TRAF5: variants seen among roughly 807,000 people sequenced by gnomAD.
The protein encoded by TRAF5 is TNF receptor associated factor 5.
A neutral mutation model predicts 64.5 loss-of-function variants in TRAF5; 48 were observed. The observed-to-expected ratio is 0.74, with a 90% CI of 0.59 to 0.95. TRAF5 has a LOEUF of 0.95. TRAF5 is among the 40% of genes least tolerant of loss of function. The pLI, the probability that TRAF5 is intolerant of heterozygous loss-of-function variation, is 0.00. For missense variants in TRAF5, 545 were observed against 662.8 expected (o/e 0.82, Z 1.95); for synonymous variants, 206 against 240.5 (o/e 0.86, Z 1.33).
chr1:211,358,746 C>G (rs2102753120), intron 4 of TRAF5: 1 of 148,136 alleles, frequency 6.8e-6, no homozygotes, highest in Non-Finnish European at 1.5e-5. Flanking sequence ...TGTGAAGAAC[C>G]CTGGAATGAA....
intron 1 of TRAF5, among the ~76,000 whole-genome samples, chr1:211,352,600 T>C (rs1402261286): frequency 6.6e-6 from 1 of 151,952 alleles, no homozygotes; most frequent in Non-Finnish European, 1.5e-5. Flanking sequence ...GCCTCCAGCC[T>C]GGGCTACAGA....
At chr1:211,366,772 G>GT (rs1489276071) in intron 8 of TRAF5, among the ~76,000 whole-genome samples, 3 of 152,338 alleles carry the variant, frequency 2.0e-5, no homozygotes, top group African/African-American at 7.2e-5. Flanking sequence ...CTAGAGACTG[G>GT]TGTGTTGGAT....
chr1:211,371,224 G>GA, intron 9 of TRAF5, 78 bp from the exon 10 acceptor site: 3 of 1,372,814 alleles, frequency 2.2e-6, no homozygotes, highest in Admixed American at 2.9e-5. Context: ...TGTTTGAATT[G>GA]AAAAAAATTT....
At chr1:211,354,504 G>T in intron 3 of TRAF5, 37 bp downstream of exon 3, 2 of 1,604,888 alleles carry the variant, frequency 1.2e-6, no homozygotes. Context: ...CAGCTCTCAG[G>T]GTGATGGAGA....
chr1:211,356,562 T>C, intron 4 of TRAF5, 94 bp downstream of exon 4: 1 of 1,119,582 alleles, frequency 8.9e-7, no homozygotes, highest in South Asian at 1.3e-5. Context: ...CTAAGCATGG[T>C]ACAGGGATTC....
intron 5 of TRAF5, 104 bp from the exon 6 acceptor site, chr1:211,360,598 A>C: frequency 4.7e-6 from 4 of 857,348 alleles, no homozygotes; most frequent in Non-Finnish European, 5.7e-6. Flanking sequence ...AACTTCCTGT[A>C]GAGAGTAAGC....
Position 211,344,696 on chromosome 1 carries a change from T to G in TRAF5, c.-1-8543T>G, listed in dbSNP as rs1572063725. Among the ~76,000 whole-genome samples the G allele has an allele frequency of 2.6e-5, 4 of 152,324 alleles. No homozygotes were observed. The South Asian group carries it at 8.3e-4, about 32-fold the overall frequency. On this transcript the variant is annotated intron_variant, in intron 1 of 10. Transcript: ENST00000261464. ...AAAAACTGTGAGACCATTTCAGTTC[T>G]CCTTTGTGCCAGGAGGATAGCCTAA... is the stretch of plus-strand genomic sequence containing the variant.
At chr1:211,348,044 G>A (rs1702666350) in intron 1 of TRAF5, among the ~76,000 whole-genome samples, 1 of 152,150 alleles carries the variant, frequency 6.6e-6, no homozygotes, top group South Asian at 2.1e-4. Flanking sequence ...CAGGGGATCT[G>A]CATGGTCAAA....
rs1702861145 is a variant in TRAF5, at chr1:211,353,469, GGGCCTGCAACTCT to G, written c.218+17_218+29del. On this transcript the variant is annotated intron_variant, in intron 2 of 10. Transcript: ENST00000261464. ...ATCCTGTCCCTGAGGTGAGTGGGCA[GGGCCTGCAACTCT>G]GGCCATGGCAGTCCTAGCATCCAGG... is the stretch of plus-strand genomic sequence containing the variant. 6.2e-7 allele frequency: 1 copy of G among 1,608,032 alleles called. No individual in the cohort carries two copies. The highest frequency in any genetic ancestry group is 1.3e-5 in the African/African-American group (1 of 74,806).
Position 211,359,893 on chromosome 1 carries a change from CTGT to C in TRAF5, c.379-14_379-12del. 4 of 1,613,650 alleles carry C rather than the reference CTGT, an allele frequency of 2.5e-6. No homozygotes were observed. Among genetic ancestry groups the C allele is most frequent in the African/African-American group, 1.3e-5 (1 of 75,042 alleles). On this transcript the variant is annotated splice_polypyrimidine_tract_variant and intron_variant, in intron 4 of 10. Coordinates refer to ENST00000261464, the MANE Select transcript of TRAF5 (RefSeq NM_001033910.3). ...ACCCTGGTCAGCAGGTCCCACTGGC[CTGT>C]TGTTATCTGTTGCAGGATCACCTTC...
At chr1:211,363,570 A>G (rs1372923525) in intron 7 of TRAF5, among the ~76,000 whole-genome samples, 1 of 152,200 alleles carries the variant, frequency 6.6e-6, no homozygotes, top group Admixed American at 6.5e-5. Context: ...TTATTTTAAA[A>G]ACCATTTGAA....
chr1:211,364,970 C>T (rs1022147352), intron 7 of TRAF5, among the ~76,000 whole-genome samples: 9 of 151,888 alleles, frequency 5.9e-5, no homozygotes, highest in East Asian at 1.9e-4. Context: ...GTCAGGAGTT[C>T]GAGACCAGCC....
chr1:211,353,717 C>G (rs1572074956), intron 2 of TRAF5: 4 of 488,906 alleles, frequency 8.2e-6, no homozygotes, highest in East Asian at 3.8e-5. Flanking sequence ...TAGACACACA[C>G]TCCATCATGG....
At chr1:211,349,397 G>C (rs1197990930) in intron 1 of TRAF5, among the ~76,000 whole-genome samples, 1 of 152,208 alleles carries the variant, frequency 6.6e-6, no homozygotes, top group Non-Finnish European at 1.5e-5. Context: ...CAAGATGGCA[G>C]CTTATTGCTG....
At chr1:211,326,748 C>G (rs372936255), upstream of TRAF5, 59 of 985,472 alleles carry the variant, frequency 6.0e-5, no homozygotes, top group African/African-American at 8.6e-4. The surrounding 1 kb of genome is among the most constrained non-coding windows in gnomAD (Gnocchi z 5.0). Context: ...CCGCTCTTCC[C>G]CTGCGCCCGC....
At chr1:211,359,365 C>T (rs1172576220) in intron 4 of TRAF5, 1 of 152,306 alleles carries the variant, frequency 6.6e-6, no homozygotes, top group African/African-American at 2.4e-5. Context: ...TTTTCTTTAT[C>T]ATTTCTGGAA....
At chr1:211,344,428 A>G (rs1435820969) in intron 1 of TRAF5, among the ~76,000 whole-genome samples, 4 of 152,254 alleles carry the variant, frequency 2.6e-5, no homozygotes, top group African/African-American at 9.6e-5. Flanking sequence ...CCTCTAAGAC[A>G]TCAAAGCCAG....
chr1:211,338,103 G>T (rs1056917885), intron 1 of TRAF5, among the ~76,000 whole-genome samples: 1 of 152,172 alleles, frequency 6.6e-6, no homozygotes. Flanking sequence ...AAGCTGCCAC[G>T]ATGATCTGAC....
Position 211,359,938 on chromosome 1 carries a change from A to G in TRAF5, c.405A>G (p.Gln135=), listed in dbSNP as rs1445670221. ...YQDHLQQCLF[Q]PVQCSNEKCR... ...ATCACCTTCAGCAGTGCTTATTTCA[A>G]CCTGTGCAGTGTTCTAATGAGAAGT... The change falls in exon 5 of 11, where the codon CAA becomes CAG. Residue 135 remains glutamine, a synonymous_variant. Coordinates refer to ENST00000261464, the MANE Select transcript of TRAF5 (RefSeq NM_001033910.3). The G allele has an allele frequency of 6.2e-7, 1 of 1,613,926 alleles. No individual in the cohort carries two copies. Among genetic ancestry groups the G allele is most frequent in the Non-Finnish European group, 8.5e-7 (1 of 1,179,858 alleles).
Sources: allele counts gnomAD v4.1 joint callset (sites outside exome capture counted in the v4.1 genomes callset), GRCh38; gene constraint gnomAD v4.1.1; non-coding constraint Gnocchi (gnomAD v3.1); transcripts MANE v1.5; gene names NCBI Gene and HGNC (gene_info 2026-07-23, HGNC 2026-07-21).